The following SPATA17 variants were observed in gnomAD, a reference collection of about 807,000 sequenced individuals.
SPATA17 encodes spermatogenesis associated 17, also known as spermatogenesis-associated protein 17.
SPATA17 carries 53 observed loss-of-function variants against 62.2 expected under a neutral mutation model. The ratio of observed to expected loss-of-function variants is 0.85; its 90% confidence interval spans 0.68 to 1.07. The LOEUF (loss-of-function observed/expected upper bound fraction) is 1.07, where lower values mean the gene tolerates loss of function less well. Among genes scored for constraint, SPATA17 ranks in the 50% least tolerant of loss-of-function variants. The probability of loss-of-function intolerance (pLI) is 0.00; values close to 1 mark genes in which losing one functional copy is unlikely to be tolerated. For missense variants in SPATA17, 466 were observed against 425.5 expected (o/e 1.10, Z -0.84); for synonymous variants, 146 against 146.8 (o/e 0.99, Z 0.04).
At chr1:217,702,032 G>GTGTATATA (rs1553367059) in intron 5 of SPATA17, among the ~76,000 whole-genome samples, 4 of 147,794 alleles carry the variant, frequency 2.7e-5, no homozygotes, top group African/African-American at 9.9e-5. Flanking sequence ...AAAATTTGGT[G>GTGTATATA]TATATATATA....
intron 5 of SPATA17, among the ~76,000 whole-genome samples, chr1:217,690,547 G>C (rs1296603150): frequency 7.3e-6 from 1 of 136,998 alleles, no homozygotes; most frequent in Non-Finnish European, 1.6e-5. Context: ...GTGCAGGTTA[G>C]TTACATATGT....
chr1:217,865,246 C>T (rs550030095), intron 10 of SPATA17, among the ~76,000 whole-genome samples: 2 of 152,322 alleles, frequency 1.3e-5, no homozygotes, highest in East Asian at 3.9e-4. Context: ...ATTGCTTCAG[C>T]TCCAAGGTAG....
intron 5 of SPATA17, among the ~76,000 whole-genome samples, chr1:217,738,662 A>G (rs946301472): frequency 2.6e-5 from 4 of 152,152 alleles, no homozygotes; most frequent in African/African-American, 7.2e-5. Flanking sequence ...TTGAGAGTCT[A>G]TGCTCTTGGC....
intron 8 of SPATA17, among the ~76,000 whole-genome samples, chr1:217,790,257 C>T (rs1401601380): frequency 6.6e-6 from 1 of 152,084 alleles, no homozygotes; most frequent in Non-Finnish European, 1.5e-5. Flanking sequence ...AAAACGTTAT[C>T]TTTAGCTCCT....
At chr1:217,866,793 G>C (rs1293960429) in intron 10 of SPATA17, 1 of 151,462 alleles carries the variant, frequency 6.6e-6, no homozygotes, top group Non-Finnish European at 1.5e-5. Context: ...GAAGCTAAGA[G>C]AGGAAGACTT....
intron 9 of SPATA17, among the ~76,000 whole-genome samples, chr1:217,840,770 G>A (rs562579827): frequency 2.6e-5 from 4 of 152,002 alleles, no homozygotes; most frequent in Non-Finnish European, 2.9e-5. Flanking sequence ...TAGGCAGGAG[G>A]ATTGCTTGAG....
chr1:217,860,537 A>G (rs1001651274), intron 9 of SPATA17, among the ~76,000 whole-genome samples: 1 of 152,106 alleles, frequency 6.6e-6, no homozygotes, highest in African/African-American at 2.4e-5. Flanking sequence ...AGTTCTATCA[A>G]TTTTTGCCTC....
chr1:217,680,572 G>A (rs191467452), intron 4 of SPATA17, among the ~76,000 whole-genome samples: 247 of 152,166 alleles, frequency 1.6e-3, no homozygotes, highest in Non-Finnish European at 2.5e-3. Flanking sequence ...GAAGTATTTT[G>A]AAAGACACTT....
At chr1:217,780,866 A>C (rs760723597) in intron 7 of SPATA17, among the ~76,000 whole-genome samples, 1 of 152,152 alleles carries the variant, frequency 6.6e-6, no homozygotes, top group Non-Finnish European at 1.5e-5. Flanking sequence ...GAACATCGGC[A>C]TAGAGAAATA....
At position 217,869,762 on chromosome 1, in the gene SPATA17, AC is replaced by A. The variant is rs1323923519; in HGVS notation, c.*2748del. On this transcript the variant is annotated 3_prime_UTR_variant, in exon 11 of 11. Coordinates refer to ENST00000366933, the MANE Select transcript of SPATA17 (RefSeq NM_138796.4). ...GTCCAATTCCCCATGCCCCACCCCC[AC>A]CCCCACATCCTATAATGGCCTGAAC... 5.1e-5 allele frequency: 7 copies of A among 137,096 alleles called. No individual in the cohort carries two copies. Among genetic ancestry groups the A allele is most frequent in the Non-Finnish European group, 1.1e-4 (7 of 63,052 alleles). The allele number at this position is 137,096 out of a possible 1,614,324, so 8.5% of individuals were successfully genotyped here.
chr1:217,730,912 A>C (rs1672389339), intron 5 of SPATA17, among the ~76,000 whole-genome samples: 1 of 152,304 alleles, frequency 6.6e-6, no homozygotes, highest in East Asian at 1.9e-4. Flanking sequence ...GTCACATTTT[A>C]TGATATGTTT....
chr1:217,698,085 C>T (rs1237165603), intron 5 of SPATA17, among the ~76,000 whole-genome samples: 1 of 151,828 alleles, frequency 6.6e-6, no homozygotes, highest in Non-Finnish European at 1.5e-5. Context: ...CACCTGAGGT[C>T]AGGATTTCAA....
intron 5 of SPATA17, among the ~76,000 whole-genome samples, chr1:217,730,122 AC>A (rs1402861122): frequency 6.6e-6 from 1 of 152,152 alleles, no homozygotes; most frequent in African/African-American, 2.4e-5. Flanking sequence ...ATGCCAAGAA[AC>A]AGTTTTTTCT....
chr1:217,847,154 AT>A (rs1037814170), intron 9 of SPATA17, among the ~76,000 whole-genome samples: 1 of 151,934 alleles, frequency 6.6e-6, no homozygotes, highest in African/African-American at 2.4e-5. Flanking sequence ...TCAATCTTTA[AT>A]TTTTTATTGT....
intron 3 of SPATA17, among the ~76,000 whole-genome samples, chr1:217,651,632 A>G (rs1214574401): frequency 2.6e-5 from 4 of 152,200 alleles, no homozygotes; most frequent in Non-Finnish European, 5.9e-5. Context: ...TCTCTTCAGG[A>G]CTTTCTGATA....
chr1:217,803,847 G>A (rs149688202), intron 9 of SPATA17, among the ~76,000 whole-genome samples: 11 of 152,112 alleles, frequency 7.2e-5, no homozygotes, highest in African/African-American at 2.4e-4. Flanking sequence ...GTGAAACCCT[G>A]CCTTTACTAA....
At chr1:217,712,532 T>C (rs1671900233) in intron 5 of SPATA17, among the ~76,000 whole-genome samples, 1 of 152,156 alleles carries the variant, frequency 6.6e-6, no homozygotes, top group Admixed American at 6.6e-5. Flanking sequence ...CCAGAAGTAA[T>C]GCACTCAGTC....
chr1:217,825,501 C>T (rs1049928042), intron 9 of SPATA17, among the ~76,000 whole-genome samples: 20 of 151,830 alleles, frequency 1.3e-4, no homozygotes, highest in Non-Finnish European at 2.5e-4. Context: ...CACAATTTAT[C>T]AATTTTACTA....
chr1:217,853,965 T>C (rs1675720030), intron 9 of SPATA17, among the ~76,000 whole-genome samples: 1 of 152,140 alleles, frequency 6.6e-6, no homozygotes, highest in South Asian at 2.1e-4. Context: ...CAATGAACGA[T>C]TCGTGAATCG....
Sources: allele counts gnomAD v4.1 joint callset (sites outside exome capture counted in the v4.1 genomes callset), GRCh38; gene constraint gnomAD v4.1.1; transcripts MANE v1.5; gene names NCBI Gene and HGNC (gene_info 2026-07-23, HGNC 2026-07-21).